Variants in AKT3 observed in about 807,000 individuals in gnomAD.
AKT3 encodes AKT serine/threonine kinase 3, also known as RAC-gamma serine/threonine-protein kinase.
AKT3 carries 15 observed loss-of-function variants against 65.3 expected under a neutral mutation model. The ratio of observed to expected loss-of-function variants is 0.23; its 90% CI spans 0.15 to 0.35. The LOEUF is 0.35. Among genes scored for constraint, AKT3 ranks in the 10% least tolerant of loss-of-function variants. AKT3 has a pLI of 1.00. For missense variants in AKT3, 243 were observed against 576.5 expected (o/e 0.42, Z 5.92); for synonymous variants, 206 against 183.8 (o/e 1.12, Z -0.98).
chr1:243,676,840 C>T (rs1558708981), intron 3 of AKT3, among the ~76,000 whole-genome samples: 1 of 152,112 alleles, frequency 6.6e-6, no homozygotes, highest in Non-Finnish European at 1.5e-5. Flanking sequence ...TATCAAAATC[C>T]TCATCACTGA....
intron 2 of AKT3, among the ~76,000 whole-genome samples, chr1:243,747,463 A>G (rs1309276969): frequency 6.6e-6 from 1 of 152,200 alleles, no homozygotes; most frequent in Non-Finnish European, 1.5e-5. Flanking sequence ...AATTTGGGGA[A>G]AGTAAAATTA....
intron 2 of AKT3, among the ~76,000 whole-genome samples, chr1:243,788,316 A>G (rs1364458408): frequency 1.3e-5 from 2 of 152,216 alleles, no homozygotes; most frequent in Non-Finnish European, 2.9e-5. Flanking sequence ...GTCATATTCT[A>G]AAAGCTATTC....
intron 7 of AKT3, 35 bp downstream of exon 7, chr1:243,615,061 G>A (rs1433731363): frequency 3.6e-6 from 5 of 1,406,408 alleles, no homozygotes; most frequent in Non-Finnish European, 5.0e-6. Flanking sequence ...AATTTCAAAT[G>A]TTACGATTAT....
chr1:243,502,035 T>C lies in AKT3; in HGVS notation c.*3214A>G, dbSNP rs565928779. On this transcript the variant is annotated 3_prime_UTR_variant, in exon 14 of 14. Transcript: ENST00000673466. Reference sequence around the variant, plus strand: ...TCTTGCGCAGATCTAATGAAAGAACTAGCAAGGTCAAGAAATGTCACAAAC... The same window carrying C: ...TCTTGCGCAGATCTAATGAAAGAACCAGCAAGGTCAAGAAATGTCACAAAC... 4.3e-6 allele frequency: 1 copy of C among 232,630 alleles called. No homozygotes were observed. The highest frequency in any genetic ancestry group is 1.8e-4 in the South Asian group (1 of 5,526). The allele number at this position is 232,630 out of a possible 1,614,324, so 14.4% of individuals were successfully genotyped here. A position where few individuals can be genotyped will look rare whatever the true frequency, so the allele number is the denominator to read the frequency against.
chr1:243,691,078 G>T (rs367954529), intron 3 of AKT3, among the ~76,000 whole-genome samples: 10 of 152,122 alleles, frequency 6.6e-5, no homozygotes, highest in African/African-American at 2.4e-4. Flanking sequence ...AGGGCAGAGA[G>T]GACTAATTTA....
intron 2 of AKT3, among the ~76,000 whole-genome samples, chr1:243,739,235 A>G (rs1175585922): frequency 6.6e-6 from 1 of 152,222 alleles, no homozygotes; most frequent in East Asian, 1.9e-4. Context: ...TAACTGAATA[A>G]TATATTTAAC....
At chr1:243,498,879 G>A (rs186461967), downstream of AKT3, among the ~76,000 whole-genome samples, 72 of 152,334 alleles carry the variant, frequency 4.7e-4, no homozygotes, top group Non-Finnish European at 6.6e-4. Flanking sequence ...CCTGCAGTGC[G>A]TCCCAATTTA....
intron 2 of AKT3, among the ~76,000 whole-genome samples, chr1:243,698,923 A>G (rs1685237364): frequency 6.6e-6 from 1 of 152,032 alleles, no homozygotes; most frequent in African/African-American, 2.4e-5. Context: ...CAAAAAAAAA[A>G]AAAAAGACAA....
At chr1:243,569,406 G>A (rs1340663278) in intron 9 of AKT3, among the ~76,000 whole-genome samples, 1 of 152,196 alleles carries the variant, frequency 6.6e-6, no homozygotes, top group African/African-American at 2.4e-5. Flanking sequence ...AGTGGCTTAA[G>A]ATTTCTATAT....
chr1:243,788,538 A>G (rs1558811363), intron 2 of AKT3, among the ~76,000 whole-genome samples: 1 of 152,246 alleles, frequency 6.6e-6, no homozygotes, highest in Non-Finnish European at 1.5e-5. Context: ...TACACACATT[A>G]TCCTGTATAC....
intron 12 of AKT3, among the ~76,000 whole-genome samples, chr1:243,536,497 G>A (rs149761049): frequency 5.6e-4 from 85 of 152,250 alleles, no homozygotes; most frequent in East Asian, 2.5e-3. Context: ...TACTTATCAC[G>A]TTTAATATCT....
chr1:243,844,957 T>A (rs774953634), intron 1 of AKT3, among the ~76,000 whole-genome samples: 1 of 152,150 alleles, frequency 6.6e-6, no homozygotes, highest in Non-Finnish European at 1.5e-5. Flanking sequence ...ACACCAGTGT[T>A]ATGTGGTCAA....
At chr1:243,755,445 G>A (rs1689074780) in intron 2 of AKT3, among the ~76,000 whole-genome samples, 4 of 151,974 alleles carry the variant, frequency 2.6e-5, no homozygotes, top group Non-Finnish European at 5.9e-5. Flanking sequence ...CCCACCTGAA[G>A]CACTGGAAAT....
At chr1:243,676,047 T>G (rs968687676) in intron 3 of AKT3, among the ~76,000 whole-genome samples, 6 of 152,230 alleles carry the variant, frequency 3.9e-5, no homozygotes, top group African/African-American at 1.2e-4. Flanking sequence ...GCTTATATTT[T>G]ACTGAGGGGA....
intron 11 of AKT3, among the ~76,000 whole-genome samples, chr1:243,546,457 A>G (rs1289557793): frequency 6.6e-6 from 1 of 152,240 alleles, no homozygotes; most frequent in East Asian, 1.9e-4. Flanking sequence ...AAGGAAAGGA[A>G]GATAAAATAA....
At chr1:243,773,173 A>G (rs1690304636) in intron 2 of AKT3, among the ~76,000 whole-genome samples, 1 of 149,528 alleles carries the variant, frequency 6.7e-6, no homozygotes, top group East Asian at 1.9e-4. Flanking sequence ...GTACCCTAGA[A>G]CTTAAAGTAT....
intron 2 of AKT3, among the ~76,000 whole-genome samples, chr1:243,736,755 T>A (rs1572252604): frequency 6.6e-6 from 1 of 152,152 alleles, no homozygotes; most frequent in Admixed American, 6.5e-5. Context: ...ACAGACGTAC[T>A]AAGACTTTGC....
chr1:243,594,878 C>G (rs1676487181), intron 8 of AKT3, among the ~76,000 whole-genome samples: 1 of 152,102 alleles, frequency 6.6e-6, no homozygotes, highest in Admixed American at 6.6e-5. Context: ...CCATGTCTGA[C>G]TAAAGGACAG....
At chr1:243,655,512 A>G (rs2147881838) in intron 4 of AKT3, among the ~76,000 whole-genome samples, 1 of 152,076 alleles carries the variant, frequency 6.6e-6, no homozygotes, top group African/African-American at 2.4e-5. Context: ...ATTTTTTAAC[A>G]AGTCCTGGAC....
Sources: gnomAD v4.1 joint callset for allele counts (sites outside exome capture counted in the v4.1 genomes callset) on GRCh38, gnomAD v4.1.1 for gene constraint, MANE v1.5 for transcripts, NCBI Gene and HGNC (gene_info 2026-07-23, HGNC 2026-07-21) for gene names.